The following RAB38 variants were observed in gnomAD, a reference collection of about 807,000 sequenced individuals.
RAB38 encodes the protein RAB38, member RAS oncogene family.
A neutral mutation model predicts 18.4 loss-of-function variants in RAB38; 15 were observed. That is an observed-to-expected ratio of 0.82 (90% confidence interval 0.55 to 1.26). RAB38 has a LOEUF of 1.26. RAB38 is among the 50% of genes most tolerant of loss of function. The pLI is 0.00. For missense variants in RAB38, 294 were observed against 267.4 expected, an observed-to-expected ratio of 1.10 and a Z score of -0.69; for synonymous variants, 101 against 104.4, an observed-to-expected ratio of 0.97 and a Z score of 0.20.
At chr11:88,149,173 T>C (rs1322065623) in intron 2 of RAB38, among the ~76,000 whole-genome samples, 3 of 152,078 alleles carry the variant, frequency 2.0e-5, no homozygotes, top group Admixed American at 6.5e-5. Context: ...TTGTGCTTGC[T>C]GTCTATTCTC....
the RAB38 span, among the ~76,000 whole-genome samples, chr11:88,056,791 G>A: frequency 3.3e-5 from 5 of 150,092 alleles, no homozygotes; most frequent in African/African-American, 1.2e-4. Context: ...ACAACAGAGC[G>A]AGACTCCGTC....
the RAB38 span, among the ~76,000 whole-genome samples, chr11:88,004,000 T>C: frequency 7.7e-6 from 1 of 129,118 alleles, no homozygotes; most frequent in Non-Finnish European, 1.6e-5. Context: ...TATATATATA[T>C]AAAAAAGGTA....
the RAB38 span, among the ~76,000 whole-genome samples, chr11:87,819,585 AAAGG>A: frequency 6.6e-6 from 1 of 151,768 alleles, no homozygotes; most frequent in African/African-American, 2.4e-5. Context: ...ATGCCACAAA[AAAGG>A]AACACAGACT....
chr11:88,135,836 A>G (rs940872661), intron 2 of RAB38, among the ~76,000 whole-genome samples: 4 of 152,220 alleles, frequency 2.6e-5, no homozygotes, highest in African/African-American at 7.2e-5. Context: ...TGGCATCTCA[A>G]TGCTGTCATT....
the RAB38 span, among the ~76,000 whole-genome samples, chr11:87,851,470 A>T: frequency 6.6e-6 from 1 of 152,182 alleles, no homozygotes; most frequent in African/African-American, 2.4e-5. Context: ...TGCCTAAACG[A>T]GTGGGAATGT....
intron 2 of RAB38, among the ~76,000 whole-genome samples, chr11:88,121,243 T>C (rs1400794930): frequency 6.6e-6 from 1 of 152,204 alleles, no homozygotes; most frequent in African/African-American, 2.4e-5. Context: ...ATTATATTTG[T>C]ATTCCTAGAT....
the RAB38 span, among the ~76,000 whole-genome samples, chr11:87,845,159 A>T: frequency 6.6e-6 from 1 of 152,236 alleles, no homozygotes; most frequent in Non-Finnish European, 1.5e-5. Context: ...ACAAAGTTTA[A>T]GATACAACCC....
At chr11:87,938,636 T>TTTG in the RAB38 span, among the ~76,000 whole-genome samples, 44 of 128,650 alleles carry the variant, frequency 3.4e-4, 1 homozygote, top group East Asian at 2.4e-3. Context: ...TTTTTTTGAT[T>TTTG]TTGTTGTTGT....
chr11:87,977,712 A>G, the RAB38 span, among the ~76,000 whole-genome samples: 1 of 100,924 alleles, frequency 9.9e-6, no homozygotes, highest in East Asian at 2.9e-4. Context: ...TATATTATAT[A>G]TTTATATATT....
At chr11:87,824,581 C>T in the RAB38 span, among the ~76,000 whole-genome samples, 19 of 152,218 alleles carry the variant, frequency 1.2e-4, no homozygotes, top group Non-Finnish European at 2.2e-4. Context: ...AAAATCATAT[C>T]AGTATCCAAA....
the RAB38 span, among the ~76,000 whole-genome samples, chr11:87,925,356 C>G: frequency 6.6e-6 from 1 of 151,978 alleles, no homozygotes; most frequent in Admixed American, 6.6e-5. Context: ...GAATATTTAC[C>G]AAGTAGCTAC....
chr11:87,873,918 G>GTATA, the RAB38 span, among the ~76,000 whole-genome samples: 2 of 41,072 alleles, frequency 4.9e-5, no homozygotes, highest in Middle Eastern at 9.4e-3. Flanking sequence ...ATGTGTGTGT[G>GTATA]TGTGTATATA....
the RAB38 span, among the ~76,000 whole-genome samples, chr11:87,902,266 G>T: frequency 6.6e-6 from 1 of 151,446 alleles, no homozygotes; most frequent in Non-Finnish European, 1.5e-5. Flanking sequence ...AGTATATTAA[G>T]TAAGGCACTG....
At chr11:88,074,792 T>A in the RAB38 span, among the ~76,000 whole-genome samples, 1 of 152,158 alleles carries the variant, frequency 6.6e-6, no homozygotes, top group Non-Finnish European at 1.5e-5. Flanking sequence ...GACTCAATTA[T>A]AAGCTGCCTA....
the RAB38 span, among the ~76,000 whole-genome samples, chr11:88,089,757 C>T: frequency 4.6e-5 from 7 of 151,996 alleles, no homozygotes; most frequent in Non-Finnish European, 8.8e-5. Flanking sequence ...TCAAATCACA[C>T]ATAAAAAACG....
intron 2 of RAB38, among the ~76,000 whole-genome samples, chr11:88,130,335 G>C (rs931632418): frequency 7.2e-5 from 11 of 152,112 alleles, no homozygotes; most frequent in South Asian, 2.1e-4. Flanking sequence ...GAACAGATTC[G>C]AGCGGTGTCT....
chr11:88,104,034 G>C, the RAB38 span, among the ~76,000 whole-genome samples: 1 of 152,074 alleles, frequency 6.6e-6, no homozygotes, highest in African/African-American at 2.4e-5. Context: ...ATCTGCCCTG[G>C]CATGAGGCAC....
intron 1 of RAB38, among the ~76,000 whole-genome samples, chr11:88,153,283 T>G (rs547973509): frequency 6.6e-5 from 10 of 152,344 alleles, no homozygotes; most frequent in Non-Finnish European, 1.5e-4. Context: ...TTTGGCCCTC[T>G]GTCCCAACAG....
the RAB38 span, among the ~76,000 whole-genome samples, chr11:87,804,723 T>G: frequency 6.6e-6 from 1 of 152,170 alleles, no homozygotes; most frequent in Non-Finnish European, 1.5e-5. Flanking sequence ...TGCTGGGATA[T>G]CTGCTGTATA....
Sources: gnomAD v4.1 joint callset for allele counts (sites outside exome capture counted in the v4.1 genomes callset) on GRCh38, gnomAD v4.1.1 for gene constraint, MANE v1.5 for transcripts, NCBI Gene and HGNC (gene_info 2026-07-23, HGNC 2026-07-21) for gene names.